The following IL1RAPL1 variants were observed in gnomAD, a reference collection of about 807,000 sequenced individuals.
The protein encoded by IL1RAPL1 is interleukin-1 receptor accessory protein-like 1.
Under a neutral mutation model 48.4 loss-of-function variants are expected in IL1RAPL1, and 3 were observed. That is an observed-to-expected ratio of 0.06 (90% CI 0.03 to 0.16). The LOEUF (loss-of-function observed/expected upper bound fraction) is 0.16, where lower values mean the gene tolerates loss of function less well. Among genes scored for constraint, IL1RAPL1 ranks in the 10% least tolerant of loss-of-function variants. The pLI is 1.00. For missense variants in IL1RAPL1, 349 were observed against 530.6 expected (o/e 0.66, Z 3.36); for synonymous variants, 185 against 187.7 (o/e 0.99, Z 0.12).
chrX:29,848,403 G>T (rs1388881865), intron 6 of IL1RAPL1, among the ~76,000 whole-genome samples: 1 of 106,081 alleles, frequency 9.4e-6, no homozygotes, highest in African/African-American at 3.6e-5. Flanking sequence ...AAAGCAAACA[G>T]CACCACATAT....
chrX:29,048,603 C>T (rs1927026755), intron 2 of IL1RAPL1, among the ~76,000 whole-genome samples: 1 of 112,054 alleles, frequency 8.9e-6, no homozygotes, highest in African/African-American at 3.2e-5. Context: ...AATTTTTCTG[C>T]TCTATTAATG....
At chrX:29,943,338 A>T (rs1156291199) in intron 9 of IL1RAPL1, among the ~76,000 whole-genome samples, 1 of 111,688 alleles carries the variant, frequency 9.0e-6, no homozygotes, top group Non-Finnish European at 1.9e-5. Context: ...GCATTCTTAG[A>T]GTCATTCTTG....
intron 6 of IL1RAPL1, among the ~76,000 whole-genome samples, chrX:29,678,357 T>C: frequency 1.2e-5 from 1 of 83,439 alleles, no homozygotes; most frequent in Non-Finnish European, 2.3e-5. Context: ...TTTTTTTTTT[T>C]TTTTTTTTTT....
intron 5 of IL1RAPL1, among the ~76,000 whole-genome samples, chrX:29,487,926 T>C (rs1935113802): frequency 8.9e-6 from 1 of 112,109 alleles, no homozygotes; most frequent in South Asian, 3.7e-4. Flanking sequence ...GTATCTTTCT[T>C]CTCTTATGTC....
At chrX:29,118,683 G>GT (rs1318368381) in intron 2 of IL1RAPL1, among the ~76,000 whole-genome samples, 2 of 111,499 alleles carry the variant, frequency 1.8e-5, no homozygotes, top group Admixed American at 1.9e-4. Flanking sequence ...CTAGGCACCA[G>GT]TTTATATAGT....
At position 28,789,395 on chromosome X, in the gene IL1RAPL1, A is replaced by G. The variant is rs1936510256; in HGVS notation, c.52A>G (p.Ser18Gly). ...TCTCTTATACGCTACTTTTACTCAG[A>G]GTTTGAAGGTTGTGACCAAAAGAGG... Reference protein sequence around the residue: ...LILLYATFTQSLKVVTKRGSA... With the variant: ...LILLYATFTQGLKVVTKRGSA... The change falls in exon 2 of 11, where the codon AGT becomes GGT. Residue 18 changes from serine (S) to glycine (G), a missense_variant. Around this residue, in one of 3 missense-constraint regions of IL1RAPL1, gnomAD observed 238 missense variants for 337.8 expected, o/e 0.70. Transcript: ENST00000378993. The G allele has an allele frequency of 8.3e-7, 1 of 1,208,941 alleles. No homozygotes were observed.
intron 1 of IL1RAPL1, among the ~76,000 whole-genome samples, chrX:28,680,752 G>A (rs759651055): frequency 9.0e-6 from 1 of 111,714 alleles, no homozygotes; most frequent in Non-Finnish European, 1.9e-5. Context: ...TGTTAATGTG[G>A]TATATCACAT....
At chrX:28,896,705 A>C (rs1479097442) in intron 2 of IL1RAPL1, among the ~76,000 whole-genome samples, 1 of 110,312 alleles carries the variant, frequency 9.1e-6, no homozygotes, top group Non-Finnish European at 1.9e-5. Context: ...GAGAGGTCAG[A>C]TGGGTCTGTA....
intron 2 of IL1RAPL1, among the ~76,000 whole-genome samples, chrX:28,997,604 G>A (rs772743879): frequency 4.5e-5 from 5 of 111,512 alleles, no homozygotes; most frequent in African/African-American, 1.3e-4. Flanking sequence ...GGAGGACTGA[G>A]CCAAGCCAGA....
chrX:28,927,919 A>G (rs1328383339), intron 2 of IL1RAPL1, among the ~76,000 whole-genome samples: 1 of 111,385 alleles, frequency 9.0e-6, no homozygotes, highest in Non-Finnish European at 1.9e-5. Flanking sequence ...AATGCTAACT[A>G]TATGCAAATC....
chrX:28,721,414 A>G lies in IL1RAPL1; in HGVS notation c.-24-67906A>G, dbSNP rs756760776. ...CTTCTTTTGAGAAGTGTCTGTTCAT[A>G]TCCTTCGCCCACTTTTTGATGGGGT... On this transcript the variant is annotated intron_variant, in intron 1 of 10. Coordinates refer to ENST00000378993, the MANE Select transcript of IL1RAPL1 (RefSeq NM_014271.4). Among the ~76,000 whole-genome samples, 4 of 111,870 alleles carry G rather than the reference A, an allele frequency of 3.6e-5. No homozygotes were observed. In the Admixed American group the frequency reaches 3.8e-4, roughly 11 times the overall value.
At chrX:29,698,816 G>A (rs1019424265) in intron 6 of IL1RAPL1, among the ~76,000 whole-genome samples, 1 of 112,284 alleles carries the variant, frequency 8.9e-6, no homozygotes, top group Non-Finnish European at 1.9e-5. Flanking sequence ...ATAGAAGTTA[G>A]AAGTGGGAAG....
intron 2 of IL1RAPL1, among the ~76,000 whole-genome samples, chrX:28,835,577 A>G (rs1921183437): frequency 9.0e-6 from 1 of 111,456 alleles, no homozygotes; most frequent in African/African-American, 3.3e-5. Flanking sequence ...TGACAAAATC[A>G]GAGCTTTAAT....
intron 1 of IL1RAPL1, among the ~76,000 whole-genome samples, chrX:28,752,395 T>G (rs1003081009): frequency 1.4e-4 from 16 of 111,862 alleles, no homozygotes; most frequent in South Asian, 3.7e-4. Context: ...TACAAAGAAT[T>G]AAGTGCTTTA....
chrX:29,207,386 T>C (rs1056684518), intron 2 of IL1RAPL1, among the ~76,000 whole-genome samples: 3 of 112,212 alleles, frequency 2.7e-5, no homozygotes, highest in African/African-American at 9.7e-5. Context: ...CTTTGAAAAC[T>C]CTGTCAGCCA....
At chrX:28,914,756 C>T (rs1038329023) in intron 2 of IL1RAPL1, among the ~76,000 whole-genome samples, 1 of 112,589 alleles carries the variant, frequency 8.9e-6, no homozygotes, top group East Asian at 2.8e-4. Flanking sequence ...TGCTGCCTGA[C>T]AGCAAAACAT....
intron 6 of IL1RAPL1, among the ~76,000 whole-genome samples, chrX:29,825,809 C>A (rs1386945281): frequency 8.9e-6 from 1 of 111,763 alleles, no homozygotes; most frequent in Non-Finnish European, 1.9e-5. Context: ...TATTATCCTT[C>A]TTAAGATTTT....
intron 2 of IL1RAPL1, among the ~76,000 whole-genome samples, chrX:28,837,682 CTTTTTTTTTTTT>C (rs58666924): frequency 5.4e-4 from 20 of 37,248 alleles, no homozygotes; most frequent in South Asian, 2.6e-3. Flanking sequence ...CATTCCACTT[CTTTTTTTTTTTT>C]TTTTTTTTTT....
intron 1 of IL1RAPL1, among the ~76,000 whole-genome samples, chrX:28,672,012 A>C (rs1356708104): frequency 8.9e-6 from 1 of 112,644 alleles, no homozygotes; most frequent in Non-Finnish European, 1.9e-5. Context: ...TATATTCAGT[A>C]GTGTTTTTGT....
Sources: gnomAD v4.1 joint callset for allele counts (sites outside exome capture counted in the v4.1 genomes callset) on GRCh38, gnomAD v4.1.1 for gene constraint, gnomAD v4.1.1 regional missense constraint, MANE v1.5 for transcripts, NCBI Gene and HGNC (gene_info 2026-07-23, HGNC 2026-07-21) for gene names.